DSCAM: variants seen among roughly 807,000 people sequenced by gnomAD.
DSCAM encodes the protein DS cell adhesion molecule.
DSCAM carries 47 observed loss-of-function variants against 217.7 expected under a neutral mutation model. The ratio of observed to expected loss-of-function variants is 0.22; its 90% CI spans 0.17 to 0.28. The LOEUF is 0.28. Ranked by LOEUF, DSCAM falls within the 10% of genes least tolerant of loss-of-function variation. The pLI, the probability that DSCAM is intolerant of heterozygous loss-of-function variation, is 1.00. For synonymous variants in DSCAM, 1,056 were observed against 1,015.3 expected (o/e 1.04, Z -0.76); for missense variants, 2,080 against 2,618.3 (o/e 0.79, Z 4.49).
intron 3 of DSCAM, among the ~76,000 whole-genome samples, chr21:40,576,636 G>A (rs1379118501): frequency 6.6e-6 from 1 of 151,984 alleles, no homozygotes; most frequent in South Asian, 2.1e-4. Flanking sequence ...TAAGATAGTG[G>A]CAGAATGGGA....
chr21:40,228,594 C>G (rs113518717), intron 11 of DSCAM, among the ~76,000 whole-genome samples: 2,429 of 151,846 alleles, frequency 0.016, 101 homozygotes, highest in East Asian at 0.14. Context: ...TGATGTATCA[C>G]CATCATTGCT....
chr21:40,438,914 T>C (rs556366748), intron 3 of DSCAM, among the ~76,000 whole-genome samples: 2 of 152,296 alleles, frequency 1.3e-5, no homozygotes, highest in South Asian at 2.1e-4. Flanking sequence ...TTTACAATTT[T>C]TTTTTTCTGG....
At chr21:40,014,653 C>T (rs184653089) in intron 32 of DSCAM, among the ~76,000 whole-genome samples, 7 of 152,312 alleles carry the variant, frequency 4.6e-5, no homozygotes, top group East Asian at 1.9e-4. Context: ...ATCCCTCCTT[C>T]GCCTTCTCCT....
chr21:40,317,076 T>G (rs1224890408), intron 8 of DSCAM, among the ~76,000 whole-genome samples: 2 of 152,246 alleles, frequency 1.3e-5, no homozygotes, highest in African/African-American at 4.8e-5. Context: ...CAGCTTGCAT[T>G]GAAATAGACA....
chr21:40,246,471 G>A (rs576269407), intron 11 of DSCAM, among the ~76,000 whole-genome samples: 134 of 150,958 alleles, frequency 8.9e-4, no homozygotes, highest in African/African-American at 3.1e-3. Flanking sequence ...AACCTGGGAG[G>A]TGGAGGCTGC....
At chr21:40,136,695 T>C (rs1194084334) in intron 18 of DSCAM, among the ~76,000 whole-genome samples, 7 of 152,088 alleles carry the variant, frequency 4.6e-5, no homozygotes, top group Non-Finnish European at 1.0e-4. Flanking sequence ...TGAAGGTCTT[T>C]TTTTCCCAAG....
chr21:40,815,199 G>A (rs2091870061), intron 1 of DSCAM, among the ~76,000 whole-genome samples: 1 of 152,056 alleles, frequency 6.6e-6, no homozygotes, highest in African/African-American at 2.4e-5. Context: ...AATCTAAAGA[G>A]TGTTTGTACA....
chr21:40,620,514 GGCAA>G (rs1396176199), intron 3 of DSCAM, among the ~76,000 whole-genome samples: 3 of 149,662 alleles, frequency 2.0e-5, no homozygotes, highest in Non-Finnish European at 3.0e-5. Flanking sequence ...AGGGGAGGAA[GGCAA>G]GCAGGCAGGC....
At chr21:40,273,698 C>T (rs185000846) in intron 11 of DSCAM, among the ~76,000 whole-genome samples, 1 of 152,300 alleles carries the variant, frequency 6.6e-6, no homozygotes. Context: ...TTATCAACAA[C>T]GGAAATGTAT....
At chr21:40,484,872 T>A (rs1244212757) in intron 3 of DSCAM, among the ~76,000 whole-genome samples, 1 of 152,298 alleles carries the variant, frequency 6.6e-6, no homozygotes, top group East Asian at 1.9e-4. Flanking sequence ...TATAAGTTCT[T>A]GTCTATCCCT....
chr21:40,035,373 A>G (rs375144993), intron 32 of DSCAM, among the ~76,000 whole-genome samples: 16,772 of 99,166 alleles, frequency 0.17, 2,724 homozygotes, highest in African/African-American at 0.25. Context: ...TCCTAGTCTC[A>G]GATAAAACAG....
chr21:40,719,520 A>G (rs1354025238), intron 1 of DSCAM, among the ~76,000 whole-genome samples: 1 of 152,228 alleles, frequency 6.6e-6, no homozygotes. Context: ...CAGCAGCAAC[A>G]CGTTGTAACA....
chr21:40,523,494 G>A (rs74921189), intron 3 of DSCAM, among the ~76,000 whole-genome samples: 3,390 of 152,064 alleles, frequency 0.022, 121 homozygotes, highest in African/African-American at 0.076. Context: ...GGTGAATGCC[G>A]CAGAGTTTCG....
chr21:40,575,049 T>C (rs2076838046), intron 3 of DSCAM, among the ~76,000 whole-genome samples: 1 of 152,134 alleles, frequency 6.6e-6, no homozygotes, highest in Admixed American at 6.5e-5. Flanking sequence ...TACTGAAGAA[T>C]CACAAAAGTG....
intron 32 of DSCAM, among the ~76,000 whole-genome samples, chr21:40,027,087 C>G (rs1399261713): frequency 6.6e-6 from 1 of 152,288 alleles, no homozygotes; most frequent in African/African-American, 2.4e-5. Context: ...GACAAAATCT[C>G]TCAGCATTTG....
At chr21:40,301,212 C>A (rs1326476760) in intron 9 of DSCAM, among the ~76,000 whole-genome samples, 1 of 152,208 alleles carries the variant, frequency 6.6e-6, no homozygotes, top group African/African-American at 2.4e-5. Flanking sequence ...ATTCTTCACT[C>A]AGGGACCTAA....
At chr21:40,730,991 T>C (rs2091005626) in intron 1 of DSCAM, among the ~76,000 whole-genome samples, 1 of 152,240 alleles carries the variant, frequency 6.6e-6, no homozygotes, top group African/African-American at 2.4e-5. Flanking sequence ...GGACCAACTC[T>C]ATGCATTTAA....
chr21:40,357,254 A>C (rs1186186231), intron 4 of DSCAM, among the ~76,000 whole-genome samples: 1 of 152,206 alleles, frequency 6.6e-6, no homozygotes, highest in African/African-American at 2.4e-5. Flanking sequence ...ACGGACTTTG[A>C]AAAGTATTGG....
rs115212336 is a variant in DSCAM, at chr21:40,367,816, G to C, written c.655+1283C>G. 2.1e-3 allele frequency among the ~76,000 whole-genome samples: 321 copies of C among 152,212 alleles called. 1 individual carries two copies. The highest frequency in any genetic ancestry group is 7.5e-3 in the African/African-American group (310 of 41,540). The stretch of plus-strand genomic sequence containing the variant: ...CTTAGTGTATGATATTCCCTGGCTG[G>C]ATTATACATTGTTGCTCTCACTTTT... On this transcript the variant is annotated intron_variant, in intron 4 of 32. Transcript: ENST00000400454.
Sources: allele counts gnomAD v4.1 joint callset (sites outside exome capture counted in the v4.1 genomes callset), GRCh38; gene constraint gnomAD v4.1.1; transcripts MANE v1.5; gene names NCBI Gene and HGNC (gene_info 2026-07-23, HGNC 2026-07-21).